CENPW: variants seen among roughly 807,000 people sequenced by gnomAD.
CENPW encodes cancer-up-regulated gene 2 protein.
A neutral mutation model predicts 11.1 loss-of-function variants in CENPW; 3 were observed. The observed-to-expected ratio is 0.27, with a 90% CI of 0.12 to 0.70. The LOEUF is 0.70. Among genes scored for constraint, CENPW ranks in the 30% least tolerant of loss-of-function variants. The pLI is 0.77. For missense variants in CENPW, 100 were observed against 105.6 expected (o/e 0.95, Z 0.23); for synonymous variants, 38 against 42.0 (o/e 0.91, Z 0.37).
chr6:126,375,460 C>T, the CENPW span, among the ~76,000 whole-genome samples: 1 of 152,160 alleles, frequency 6.6e-6, no homozygotes, highest in Non-Finnish European at 1.5e-5. Flanking sequence ...TGACAAGACA[C>T]TATTGCAGTA....
intron 1 of CENPW, 107 bp downstream of exon 1, chr6:126,340,506 G>A: frequency 6.5e-7 from 1 of 1,544,782 alleles, no homozygotes; most frequent in East Asian, 2.3e-5. Context: ...GCTCTTTCAG[G>A]CCCCTGTTTA....
At chr6:126,438,145 A>ACT in the CENPW span, among the ~76,000 whole-genome samples, 2 of 147,066 alleles carry the variant, frequency 1.4e-5, no homozygotes, top group Non-Finnish European at 3.0e-5. Context: ...AGTCTCTCTC[A>ACT]CTCTCTCTCT....
chr6:126,457,873 C>A, the CENPW span, among the ~76,000 whole-genome samples: 1 of 151,388 alleles, frequency 6.6e-6, no homozygotes. Context: ...GATATAGTCC[C>A]CCTCATGGTA....
At chr6:126,415,086 G>A in the CENPW span, among the ~76,000 whole-genome samples, 1 of 152,060 alleles carries the variant, frequency 6.6e-6, no homozygotes, top group Non-Finnish European at 1.5e-5. Flanking sequence ...TATTGAGATT[G>A]AACCTGTAAT....
chr6:126,346,055 A>G, intron 1 of CENPW, 150 bp from the exon 2 acceptor site: 2 of 483,462 alleles, frequency 4.1e-6, no homozygotes, highest in Non-Finnish European at 7.4e-6. Flanking sequence ...TATTAGACTG[A>G]ATTCTATGTA....
chr6:126,396,478 A>G, the CENPW span, among the ~76,000 whole-genome samples: 1 of 152,208 alleles, frequency 6.6e-6, no homozygotes, highest in East Asian at 1.9e-4. Flanking sequence ...GAGAAGGTTC[A>G]GAAATGTCAT....
chr6:126,481,676 G>A, the CENPW span, among the ~76,000 whole-genome samples: 10 of 152,012 alleles, frequency 6.6e-5, no homozygotes, highest in Non-Finnish European at 1.2e-4. Context: ...TGTCGCAGTA[G>A]CAATTACATT....
At chr6:126,355,177 G>A in the CENPW span, among the ~76,000 whole-genome samples, 10 of 152,112 alleles carry the variant, frequency 6.6e-5, no homozygotes, top group South Asian at 2.1e-3. Context: ...CTACTACAGA[G>A]TTTAAAAGAA....
the CENPW span, among the ~76,000 whole-genome samples, chr6:126,432,382 A>G: frequency 6.6e-6 from 1 of 152,224 alleles, no homozygotes; most frequent in Non-Finnish European, 1.5e-5. Context: ...CTGCAAGGCC[A>G]TTAGCAAGTA....
chr6:126,383,107 G>A, the CENPW span, among the ~76,000 whole-genome samples: 1 of 152,084 alleles, frequency 6.6e-6, no homozygotes, highest in African/African-American at 2.4e-5. Flanking sequence ...GAAGAGATTG[G>A]GGGCCTATAT....
the CENPW span, among the ~76,000 whole-genome samples, chr6:126,383,698 G>A: frequency 6.6e-6 from 1 of 152,088 alleles, no homozygotes; most frequent in African/African-American, 2.4e-5. Flanking sequence ...TAATGATGAA[G>A]GGATCAATTC....
At chr6:126,413,982 C>T in the CENPW span, among the ~76,000 whole-genome samples, 1 of 151,870 alleles carries the variant, frequency 6.6e-6, no homozygotes, top group African/African-American at 2.4e-5. Flanking sequence ...AAAAATATTT[C>T]ACTCAAATGA....
the CENPW span, among the ~76,000 whole-genome samples, chr6:126,372,852 T>C: frequency 1.3e-5 from 2 of 152,192 alleles, no homozygotes; most frequent in Non-Finnish European, 2.9e-5. Flanking sequence ...CTCACATAAG[T>C]CCTCTAAAGT....
chr6:126,426,734 A>G, the CENPW span, among the ~76,000 whole-genome samples: 1 of 152,160 alleles, frequency 6.6e-6, no homozygotes, highest in African/African-American at 2.4e-5. Flanking sequence ...GAAATGGGTA[A>G]TAGACTTATA....
chr6:126,474,810 A>G, the CENPW span, among the ~76,000 whole-genome samples: 1 of 152,186 alleles, frequency 6.6e-6, no homozygotes, highest in Non-Finnish European at 1.5e-5. Context: ...TAACTGTGGA[A>G]TCCATTGAAG....
At chr6:126,443,609 A>T in the CENPW span, among the ~76,000 whole-genome samples, 3 of 151,206 alleles carry the variant, frequency 2.0e-5, no homozygotes, top group Non-Finnish European at 4.4e-5. Context: ...GGTAACTAGT[A>T]AGTTTATTCT....
At chr6:126,438,559 T>C in the CENPW span, among the ~76,000 whole-genome samples, 3 of 151,578 alleles carry the variant, frequency 2.0e-5, no homozygotes, top group Admixed American at 6.6e-5. Flanking sequence ...CAAAACATCA[T>C]AGGAACTAAA....
the CENPW span, among the ~76,000 whole-genome samples, chr6:126,374,693 T>C: frequency 6.6e-6 from 1 of 152,156 alleles, no homozygotes; most frequent in African/African-American, 2.4e-5. Context: ...AAGTCTAGAG[T>C]GAACTCTTAA....
At chr6:126,440,933 C>T in the CENPW span, among the ~76,000 whole-genome samples, 2 of 151,308 alleles carry the variant, frequency 1.3e-5, no homozygotes, top group African/African-American at 4.8e-5. Flanking sequence ...TACTTTAGAC[C>T]ACAACGGAAG....
Sources: gnomAD v4.1 joint callset for allele counts (sites outside exome capture counted in the v4.1 genomes callset) on GRCh38, gnomAD v4.1.1 for gene constraint, MANE v1.5 for transcripts, NCBI Gene and HGNC (gene_info 2026-07-23, HGNC 2026-07-21) for gene names.